The following FAAH2 variants were observed in gnomAD, a reference collection of about 807,000 sequenced individuals.
The protein encoded by FAAH2 is fatty-acid amide hydrolase 2.
In FAAH2, 60 loss-of-function variants were observed where a neutral mutation model predicts 36.9. That is an observed-to-expected ratio of 1.63 (90% CI 1.32 to 2.02). FAAH2 has a LOEUF of 2.02. Among genes scored for constraint, FAAH2 ranks in the 30% most tolerant of loss-of-function variants. FAAH2 has a pLI of 0.00. For missense variants in FAAH2, 689 were observed against 397.5 expected (o/e 1.73, Z -6.23); for synonymous variants, 214 against 143.8 (o/e 1.49, Z -3.49).
the FAAH2 span, chrX:57,135,994 G>A: frequency 1.7e-6 from 2 of 1,207,785 alleles, no homozygotes; most frequent in Non-Finnish European, 1.1e-6. Flanking sequence ...ACTCCTCCTG[G>A]CTCCCTCTCT....
At chrX:57,219,161 AC>A in the FAAH2 span, among the ~76,000 whole-genome samples, 473 of 111,965 alleles carry the variant, frequency 4.2e-3, 3 homozygotes, top group African/African-American at 0.015. Context: ...CTTCCTGTTT[AC>A]AGGAGACTGT....
intron 5 of FAAH2, among the ~76,000 whole-genome samples, chrX:57,358,250 C>G (rs2147129436): frequency 9.1e-6 from 1 of 109,399 alleles, no homozygotes; most frequent in African/African-American, 3.3e-5. Context: ...TTTAAGTTTC[C>G]AAACAGTAGT....
chrX:57,301,612 TA>T (rs2052373301), intron 2 of FAAH2, among the ~76,000 whole-genome samples: 2 of 3,870 alleles, frequency 5.2e-4, no homozygotes, highest in Non-Finnish European at 0.049. Flanking sequence ...TAAAGTATAA[TA>T]ATAATAATAA....
At chrX:57,348,185 C>T (rs962236745) in intron 5 of FAAH2, among the ~76,000 whole-genome samples, 1 of 110,326 alleles carries the variant, frequency 9.1e-6, no homozygotes, top group Non-Finnish European at 1.9e-5. Flanking sequence ...GCAGATTGCA[C>T]AACCCCATCC....
intron 10 of FAAH2, among the ~76,000 whole-genome samples, chrX:57,454,812 A>G (rs776442912): frequency 8.9e-6 from 1 of 112,284 alleles, no homozygotes; most frequent in South Asian, 3.7e-4. Flanking sequence ...TTATGTAAAG[A>G]TACCAAATGT....
At chrX:57,420,016 A>T (rs919168191) in intron 7 of FAAH2, among the ~76,000 whole-genome samples, 2 of 111,689 alleles carry the variant, frequency 1.8e-5, no homozygotes, top group Non-Finnish European at 1.9e-5. Flanking sequence ...TTTGTCAAAG[A>T]TCAGATAGTT....
intron 7 of FAAH2, among the ~76,000 whole-genome samples, chrX:57,429,254 G>A (rs895919565): frequency 9.3e-6 from 1 of 108,069 alleles, no homozygotes; most frequent in Non-Finnish European, 1.9e-5. Flanking sequence ...CAGGAGAATG[G>A]CGTGAACCTG....
At chrX:57,429,073 C>T (rs766822339) in intron 7 of FAAH2, among the ~76,000 whole-genome samples, 18 of 111,614 alleles carry the variant, frequency 1.6e-4, no homozygotes, top group Non-Finnish European at 2.1e-4. Flanking sequence ...CAGTGGCTCA[C>T]GCCTGTAATC....
chrX:57,379,911 C>T (rs925690915), intron 6 of FAAH2, among the ~76,000 whole-genome samples: 5 of 108,595 alleles, frequency 4.6e-5, no homozygotes, highest in Non-Finnish European at 9.5e-5. Context: ...TGATATTACT[C>T]CATCATTATT....
intron 10 of FAAH2, among the ~76,000 whole-genome samples, chrX:57,486,178 G>C (rs2057470556): frequency 8.9e-6 from 1 of 112,040 alleles, no homozygotes; most frequent in Non-Finnish European, 1.9e-5. Flanking sequence ...CCATGTGCTG[G>C]TGCTCTTAGG....
chrX:57,170,023 T>C, the FAAH2 span, among the ~76,000 whole-genome samples: 58 of 111,393 alleles, frequency 5.2e-4, no homozygotes, highest in East Asian at 9.1e-3. Flanking sequence ...AAAGCTGCAG[T>C]GCAGTGGCAC....
At chrX:57,175,151 T>C in the FAAH2 span, among the ~76,000 whole-genome samples, 1 of 111,799 alleles carries the variant, frequency 8.9e-6, no homozygotes, top group Admixed American at 9.5e-5. Flanking sequence ...CAATGATCTG[T>C]CTCTTGTTGT....
chrX:57,353,619 A>C (rs985744566), intron 5 of FAAH2, among the ~76,000 whole-genome samples: 10 of 110,658 alleles, frequency 9.0e-5, no homozygotes, highest in Admixed American at 8.7e-4. Flanking sequence ...GACTTAATTA[A>C]ATTTAAAACC....
chrX:57,290,258 A>G, intron 1 of FAAH2: 3 of 746,550 alleles, frequency 4.0e-6, no homozygotes, highest in Non-Finnish European at 3.1e-6. Context: ...TAGCAGTGGC[A>G]GTTGAAGATC....
intron 5 of FAAH2, among the ~76,000 whole-genome samples, chrX:57,372,400 A>T (rs1391332548): frequency 9.0e-6 from 1 of 111,254 alleles, no homozygotes; most frequent in East Asian, 2.8e-4. Flanking sequence ...CAATAATTAC[A>T]GTGATGATGA....
chrX:57,127,897 C>T, the FAAH2 span, among the ~76,000 whole-genome samples: 2 of 111,492 alleles, frequency 1.8e-5, no homozygotes, highest in South Asian at 7.4e-4. Flanking sequence ...CACTTTTTAA[C>T]GTAAGTGGGA....
intron 5 of FAAH2, among the ~76,000 whole-genome samples, chrX:57,349,384 T>C (rs1244087711): frequency 1.0e-5 from 1 of 98,706 alleles, no homozygotes; most frequent in Admixed American, 1.2e-4. Flanking sequence ...TATATCTATT[T>C]TAATATATAT....
the FAAH2 span, among the ~76,000 whole-genome samples, chrX:57,260,100 G>C: frequency 9.0e-6 from 1 of 111,290 alleles, no homozygotes; most frequent in Non-Finnish European, 1.9e-5. Flanking sequence ...GATTTTCCTA[G>C]CATTTTTTAC....
At chrX:57,415,168 CA>C (rs1164932078) in intron 7 of FAAH2, among the ~76,000 whole-genome samples, 34 of 106,100 alleles carry the variant, frequency 3.2e-4, no homozygotes, top group South Asian at 8.4e-4. Flanking sequence ...TAGATCTGTA[CA>C]AAAAAAAACA....
Sources: gnomAD v4.1 joint callset for allele counts (sites outside exome capture counted in the v4.1 genomes callset) on GRCh38, gnomAD v4.1.1 for gene constraint, MANE v1.5 for transcripts, NCBI Gene and HGNC (gene_info 2026-07-23, HGNC 2026-07-21) for gene names.